ACOT7: variants seen among roughly 807,000 people sequenced by gnomAD.
ACOT7 encodes acyl-CoA thioesterase 7.
Under a neutral mutation model 40.2 loss-of-function variants are expected in ACOT7, and 12 were observed. That is an observed-to-expected ratio of 0.30 (90% CI 0.19 to 0.48). ACOT7 has a LOEUF of 0.48. Among genes scored for constraint, ACOT7 ranks in the 20% least tolerant of loss-of-function variants. ACOT7 has a pLI of 0.99. For synonymous variants in ACOT7, 228 were observed against 219.5 expected (o/e 1.04, Z -0.34); for missense variants, 395 against 530.8 (o/e 0.74, Z 2.51).
rs1639124903 is a variant in ACOT7 at position 6,274,192 on chromosome 1, G to A, written c.1014+6910C>T. The stretch of plus-strand genomic sequence containing the variant: ...CTTCCTCCTAAGTGCAAAGGGGCGA[G>A]GGACCTTCCAATTACAGCATCACTG... On this transcript the variant is annotated intron_variant, in intron 8 of 8. Coordinates refer to ENST00000361521, the MANE Select transcript of ACOT7 (RefSeq NM_007274.4). The surrounding 1 kb of genome is among the most constrained non-coding windows in gnomAD (Gnocchi z 5.9). 6.6e-6 allele frequency among the ~76,000 whole-genome samples: 1 copy of A among 152,176 alleles called. No individual in the cohort carries two copies. Among genetic ancestry groups the A allele is most frequent in the Non-Finnish European group, 1.5e-5 (1 of 68,018 alleles).
chr1:6,358,462 G>A lies in ACOT7; in HGVS notation c.144-8596C>T, dbSNP rs112422815. On this transcript the variant is annotated intron_variant, in intron 1 of 8. Coordinates refer to ENST00000361521, the MANE Select transcript of ACOT7 (RefSeq NM_007274.4). This position sits in a 1 kb window ranked among gnomAD's most constrained non-coding sequence, Gnocchi z 4.1. ...GGAAGCTCAGCAGCGCTGGGAAACCGCAGTGAACCCAGCCCAGCTGAAGGG... is the reference window on the plus strand; with the variant it reads ...GGAAGCTCAGCAGCGCTGGGAAACCACAGTGAACCCAGCCCAGCTGAAGGG... 0.012 allele frequency among the ~76,000 whole-genome samples: 1,784 copies of A among 152,290 alleles called. 43 individuals are homozygous for A. Among genetic ancestry groups the A allele is most frequent in the African/African-American group, 0.041 (1,694 of 41,554 alleles).
intron 1 of ACOT7, among the ~76,000 whole-genome samples, chr1:6,370,997 G>C (rs941688322): frequency 2.0e-5 from 3 of 151,906 alleles, no homozygotes. Context: ...TTTTAGTAGA[G>C]ACAGGGTTTC....
At chr1:6,384,771 C>T (rs1031291726) in intron 1 of ACOT7, among the ~76,000 whole-genome samples, 18 of 151,788 alleles carry the variant, frequency 1.2e-4, no homozygotes, top group Non-Finnish European at 1.5e-4. Flanking sequence ...CTTAGGACTA[C>T]AAAGGTCCCA....
intron 6 of ACOT7, among the ~76,000 whole-genome samples, chr1:6,309,543 C>T (rs778305928): frequency 1.3e-5 from 2 of 152,022 alleles, no homozygotes; most frequent in Non-Finnish European, 2.9e-5. Flanking sequence ...ACTTTTACTC[C>T]GAAAACATCT....
chr1:6,293,046 C>A (rs566209222), intron 7 of ACOT7, among the ~76,000 whole-genome samples: 2 of 151,798 alleles, frequency 1.3e-5, no homozygotes, highest in Admixed American at 6.6e-5. Flanking sequence ...CCCGCCACCA[C>A]GCCTGGCTAA....
intron 7 of ACOT7, among the ~76,000 whole-genome samples, chr1:6,291,032 G>C (rs1335818948): frequency 1.3e-5 from 2 of 152,120 alleles, no homozygotes; most frequent in Non-Finnish European, 2.9e-5. Context: ...AGGCAGCTTG[G>C]GGCTGGTGAA....
rs1261085368 is a variant in ACOT7 at position 6,352,615 on chromosome 1, G to A, written c.144-2749C>T. 6.7e-6 allele frequency among the ~76,000 whole-genome samples: 1 copy of A among 149,232 alleles called. No individual in the cohort carries two copies. The highest frequency in any genetic ancestry group is 2.5e-5 in the African/African-American group (1 of 40,124). Reference sequence around the variant, plus strand: ...ATTTCTTTTTTTTTTTTTTTGAGACGGCGTCTCGCTCTGTCTCCCAGGCTG... The same window carrying A: ...ATTTCTTTTTTTTTTTTTTTGAGACAGCGTCTCGCTCTGTCTCCCAGGCTG... On this transcript the variant is annotated intron_variant, in intron 1 of 8. Transcript: ENST00000361521. This position sits in a 1 kb window ranked among gnomAD's most constrained non-coding sequence, Gnocchi z 4.5.
At chr1:6,348,793 T>TC (rs1172650980) in intron 2 of ACOT7, among the ~76,000 whole-genome samples, 6 of 152,196 alleles carry the variant, frequency 3.9e-5, no homozygotes, top group Non-Finnish European at 8.8e-5. Context: ...AGCAGCCACT[T>TC]CCTGCATCTC....
chr1:6,274,716 C>T lies in ACOT7; in HGVS notation c.1014+6386G>A, dbSNP rs1639139611. Among the ~76,000 whole-genome samples the T allele has an allele frequency of 6.6e-6, 1 of 152,204 alleles. No individual in the cohort carries two copies. The highest frequency in any genetic ancestry group is 2.4e-5 in the African/African-American group (1 of 41,446). ...ACTTTCCACTAAAATGTGCCCCAAC[C>T]CCCACACTCCACAGTGGCCTGTGGA... is the stretch of plus-strand genomic sequence containing the variant. On this transcript the variant is annotated intron_variant, in intron 8 of 8. Coordinates refer to ENST00000361521, the MANE Select transcript of ACOT7 (RefSeq NM_007274.4). This position sits in a 1 kb window ranked among gnomAD's most constrained non-coding sequence, Gnocchi z 5.9.
chr1:6,286,367 A>G (rs1290027149), intron 7 of ACOT7, among the ~76,000 whole-genome samples: 1 of 152,196 alleles, frequency 6.6e-6, no homozygotes, highest in East Asian at 1.9e-4. Flanking sequence ...GAGCCTCTGT[A>G]GCAGGTACAG....
rs772953044 is a variant in ACOT7, at chr1:6,333,503, T to C, written c.484A>G (p.Lys162Glu). Reference sequence around the variant, plus strand: ...ACAACAGGAGGCACCTCGAGGACCTTGTCCACATTCTTCAGCGACAGGGGC... The same window carrying C: ...ACAACAGGAGGCACCTCGAGGACCTCGTCCACATTCTTCAGCGACAGGGGC... ...YVPLSLKNVDKVLEVPPVVYS... is the reference protein window; with the variant it reads ...YVPLSLKNVDEVLEVPPVVYS... The change falls in exon 4 of 9, where the codon AAG becomes GAG. Residue 162 changes from lysine to glutamate, a missense_variant. Transcript: ENST00000361521. 3.7e-6 allele frequency: 6 copies of C among 1,614,160 alleles called. No individual in the cohort carries two copies. Among genetic ancestry groups the C allele is most frequent in the Non-Finnish European group, 5.1e-6 (6 of 1,180,004 alleles).
chr1:6,269,623 G>A (rs567799931), intron 8 of ACOT7, among the ~76,000 whole-genome samples: 19 of 152,368 alleles, frequency 1.2e-4, no homozygotes, highest in East Asian at 3.9e-4. Flanking sequence ...GCCCAGCAAC[G>A]GGCCCCAAGG....
At chr1:6,284,624 C>G (rs1047861458) in intron 7 of ACOT7, among the ~76,000 whole-genome samples, 1 of 150,912 alleles carries the variant, frequency 6.6e-6, no homozygotes, top group Admixed American at 6.6e-5. Flanking sequence ...CAGCTACAGG[C>G]ACTTTGTCAA....
At chr1:6,280,957 C>T (rs1223168907) in intron 8 of ACOT7, 145 bp downstream of exon 8, 24 of 1,150,436 alleles carry the variant, frequency 2.1e-5, no homozygotes, top group Middle Eastern at 2.8e-4. Flanking sequence ...TCACCGGTCA[C>T]GGCAGTGGCC....
chr1:6,298,835 G>A (rs7519033), intron 6 of ACOT7, among the ~76,000 whole-genome samples: 13,310 of 152,256 alleles, frequency 0.087, 618 homozygotes, highest in African/African-American at 0.11. Flanking sequence ...AGCCCAGGAC[G>A]GCAAGGAAGT....
intron 1 of ACOT7, among the ~76,000 whole-genome samples, chr1:6,373,863 C>CT (rs1642177609): frequency 7.4e-6 from 1 of 135,638 alleles, no homozygotes; most frequent in South Asian, 2.3e-4. Flanking sequence ...TAAACTCCAT[C>CT]TTAAAAAAAA....
intron 4 of ACOT7, among the ~76,000 whole-genome samples, chr1:6,332,623 G>T (rs962603619): frequency 7.2e-5 from 11 of 152,192 alleles, no homozygotes; most frequent in African/African-American, 2.6e-4. Flanking sequence ...AGACCATCCT[G>T]GCTAACATGG....
chr1:6,391,864 G>A (rs947176341), intron 1 of ACOT7, among the ~76,000 whole-genome samples: 77 of 152,166 alleles, frequency 5.1e-4, no homozygotes, highest in Admixed American at 4.0e-3. Flanking sequence ...GCAAACCATG[G>A]AGCCCAAGTT....
At chr1:6,272,992 C>T (rs967054286) in intron 8 of ACOT7, among the ~76,000 whole-genome samples, 41 of 152,246 alleles carry the variant, frequency 2.7e-4, no homozygotes, top group African/African-American at 9.9e-4. Context: ...CCATCCCACA[C>T]TCTGTTGTAT....
Sources: allele counts gnomAD v4.1 joint callset (sites outside exome capture counted in the v4.1 genomes callset), GRCh38; gene constraint gnomAD v4.1.1; non-coding constraint Gnocchi (gnomAD v3.1); transcripts MANE v1.5; gene names NCBI Gene and HGNC (gene_info 2026-07-23, HGNC 2026-07-21).